Variants in DLGAP2 observed in about 807,000 individuals in gnomAD.
DLGAP2 encodes DLG associated protein 2.
A neutral mutation model predicts 100.3 loss-of-function variants in DLGAP2; 26 were observed. That is an observed-to-expected ratio of 0.26 (90% confidence interval 0.19 to 0.36). The LOEUF (loss-of-function observed/expected upper bound fraction) is 0.36, where lower values mean the gene tolerates loss of function less well. Among genes scored for constraint, DLGAP2 ranks in the 10% least tolerant of loss-of-function variants. The pLI, the probability that DLGAP2 is intolerant of heterozygous loss-of-function variation, is 1.00. For missense variants in DLGAP2, 1,858 were observed against 1,453.2 expected (o/e 1.28, Z -4.53); for synonymous variants, 886 against 630.1 (o/e 1.41, Z -6.08).
At chr8:1,009,941 G>A (rs1200454859) in intron 2 of DLGAP2, among the ~76,000 whole-genome samples, 2 of 152,294 alleles carry the variant, frequency 1.3e-5, no homozygotes, top group East Asian at 3.9e-4. Context: ...TTGTGTTTTT[G>A]CACAGTTGAT....
intron 2 of DLGAP2, among the ~76,000 whole-genome samples, chr8:1,080,193 AT>A (rs1803757596): frequency 6.6e-6 from 1 of 151,976 alleles, no homozygotes; most frequent in Non-Finnish European, 1.5e-5. Context: ...TTGCATTTTT[AT>A]TTTCCACAAA....
At chr8:961,505 A>C (rs984667344) in intron 2 of DLGAP2, among the ~76,000 whole-genome samples, 2 of 152,194 alleles carry the variant, frequency 1.3e-5, no homozygotes, top group African/African-American at 2.4e-5. Flanking sequence ...TGTAGACACC[A>C]GTTCTGTTTC....
At chr8:794,812 A>G (rs1296006947) in intron 1 of DLGAP2, among the ~76,000 whole-genome samples, 3 of 152,072 alleles carry the variant, frequency 2.0e-5, no homozygotes, top group Non-Finnish European at 4.4e-5. Flanking sequence ...TAGCTGCAGG[A>G]TGGGGTCCCT....
At chr8:1,316,044 T>G (rs78002549) in intron 3 of DLGAP2, among the ~76,000 whole-genome samples, 98 of 125,252 alleles carry the variant, frequency 7.8e-4, no homozygotes, top group South Asian at 2.6e-3. Context: ...ACTTGGCAGC[T>G]TTTAAAAATA....
chr8:1,284,510 C>G (rs1799884060), intron 3 of DLGAP2, among the ~76,000 whole-genome samples: 1 of 152,184 alleles, frequency 6.6e-6, no homozygotes, highest in African/African-American at 2.4e-5. Context: ...AGTCCCCACG[C>G]AAACCACGAG....
rs1194809972 is a variant in DLGAP2 at position 1,206,309 on chromosome 8, G to GCCATCC, written c.74-52542_74-52541insCCATCC. Among the ~76,000 whole-genome samples, 2 of 149,184 alleles carry GCCATCC rather than the reference G, an allele frequency of 1.3e-5. 1 individual carries two copies. Reference sequence around the variant, plus strand: ...GTAGACTGTGAGCGGTTAATCTCCAGGCATCCGTGGACTGGGGTAGACTGT... The same window carrying GCCATCC: ...GTAGACTGTGAGCGGTTAATCTCCAGCCATCCGCATCCGTGGACTGGGGTAGACTGT... On this transcript the variant is annotated intron_variant, in intron 2 of 14. Transcript: ENST00000637795.
intron 8 of DLGAP2, among the ~76,000 whole-genome samples, chr8:1,637,522 G>T (rs141213269): frequency 1.3e-5 from 2 of 152,022 alleles, no homozygotes; most frequent in Admixed American, 1.3e-4. Flanking sequence ...AAAAAGCTGC[G>T]TTTCAGTAAA....
intron 3 of DLGAP2, among the ~76,000 whole-genome samples, chr8:1,294,818 G>T (rs1800133523): frequency 6.6e-6 from 1 of 151,374 alleles, no homozygotes; most frequent in East Asian, 2.0e-4. Context: ...GCAGTGAGCT[G>T]AGATTGTGCT....
At chr8:1,246,434 G>A (rs949318001) in intron 2 of DLGAP2, among the ~76,000 whole-genome samples, 6 of 152,226 alleles carry the variant, frequency 3.9e-5, no homozygotes, top group African/African-American at 1.4e-4. Context: ...GCTGCTGAGA[G>A]CACAGGGACC....
rs138980121 is a variant in DLGAP2 at position 1,437,364 on chromosome 8, C to G, written c.107-64002C>G. 6.0e-3 allele frequency among the ~76,000 whole-genome samples: 907 copies of G among 152,376 alleles called. 13 individuals carry two copies. The highest frequency in any genetic ancestry group is 0.02 in the African/African-American group (833 of 41,594). ...ACAACCACGAGGCCACCTTACGTTT[C>G]TCTGAATGTGCCCCCTCATTAAGTG... is the stretch of plus-strand genomic sequence containing the variant. On this transcript the variant is annotated intron_variant, in intron 3 of 14. Coordinates refer to ENST00000637795, the MANE Select transcript of DLGAP2 (RefSeq NM_001346810.2).
chr8:1,522,911 A>G (rs1293924669), intron 4 of DLGAP2, among the ~76,000 whole-genome samples: 1 of 152,222 alleles, frequency 6.6e-6, no homozygotes, highest in Non-Finnish European at 1.5e-5. Flanking sequence ...ACATTGCTAA[A>G]GGGATGCAGC....
intron 2 of DLGAP2, among the ~76,000 whole-genome samples, chr8:1,044,794 A>G (rs879586589): frequency 2.0e-5 from 3 of 152,116 alleles, no homozygotes; most frequent in Non-Finnish European, 4.4e-5. Flanking sequence ...GCTACCCCAG[A>G]TCTTACCTCG....
intron 2 of DLGAP2, among the ~76,000 whole-genome samples, chr8:908,646 G>A (rs1048610248): frequency 1.3e-5 from 2 of 152,188 alleles, no homozygotes; most frequent in Admixed American, 6.5e-5. Flanking sequence ...TTATCCTGTG[G>A]ATATGGATCT....
chr8:1,059,990 G>A lies in DLGAP2; in HGVS notation c.73+152024G>A, dbSNP rs576006658. ...GGGCCAGAAAAATGGTAGCTGGGACGTCTTGACAGCAAGCAAGTGGTCGCT... is the reference window on the plus strand; with the variant it reads ...GGGCCAGAAAAATGGTAGCTGGGACATCTTGACAGCAAGCAAGTGGTCGCT... On this transcript the variant is annotated intron_variant, in intron 2 of 14. Coordinates refer to ENST00000637795, the MANE Select transcript of DLGAP2 (RefSeq NM_001346810.2). Among the ~76,000 whole-genome samples the A allele has an allele frequency of 2.6e-3, 398 of 152,304 alleles. 5 individuals are homozygous for A. Among genetic ancestry groups the A allele is most frequent in the South Asian group, 0.025 (119 of 4,826 alleles).
intron 3 of DLGAP2, among the ~76,000 whole-genome samples, chr8:1,415,689 C>T (rs1219702352): frequency 1.3e-5 from 2 of 152,226 alleles, no homozygotes; most frequent in South Asian, 2.1e-4. Flanking sequence ...ATAGGTAGCA[C>T]TGTCTCTTTA....
intron 1 of DLGAP2, among the ~76,000 whole-genome samples, chr8:789,406 A>C (rs1821964896): frequency 6.6e-6 from 1 of 152,146 alleles, no homozygotes; most frequent in African/African-American, 2.4e-5. Flanking sequence ...AGCTCTTCTG[A>C]GAACTCACTC....
chr8:1,616,743 ATC>A (rs1473663506), intron 6 of DLGAP2, among the ~76,000 whole-genome samples: 2 of 152,216 alleles, frequency 1.3e-5, no homozygotes, highest in Non-Finnish European at 2.9e-5. Flanking sequence ...CTACTTTTTT[ATC>A]TTTCATTTAG....
chr8:1,697,441 C>A, intron 14 of DLGAP2, 142 bp downstream of exon 14: 2 of 1,228,504 alleles, frequency 1.6e-6, no homozygotes, highest in South Asian at 1.5e-5. Context: ...TGTATGTGTG[C>A]ACATGTGTAT....
At chr8:861,238 C>T (rs1797383957) in intron 1 of DLGAP2, among the ~76,000 whole-genome samples, 1 of 152,176 alleles carries the variant, frequency 6.6e-6, no homozygotes, top group African/African-American at 2.4e-5. Context: ...TTTACAATGT[C>T]CTAGCTATCA....
Sources: gnomAD v4.1 joint callset for allele counts (sites outside exome capture counted in the v4.1 genomes callset) on GRCh38, gnomAD v4.1.1 for gene constraint, MANE v1.5 for transcripts, NCBI Gene and HGNC (gene_info 2026-07-23, HGNC 2026-07-21) for gene names.